RNASET2: variants seen among roughly 807,000 people sequenced by gnomAD.
RNASET2 encodes the protein ribonuclease 6.
A neutral mutation model predicts 33.9 loss-of-function variants in RNASET2; 28 were observed. The observed-to-expected ratio is 0.83, with a 90% CI of 0.61 to 1.13. The LOEUF (loss-of-function observed/expected upper bound fraction) is 1.13, where lower values mean the gene tolerates loss of function less well. Among genes scored for constraint, RNASET2 ranks in the 50% most tolerant of loss-of-function variants. The probability of loss-of-function intolerance (pLI) is 0.00; values close to 1 mark genes in which losing one functional copy is unlikely to be tolerated. For synonymous variants in RNASET2, 123 were observed against 121.0 expected, an observed-to-expected ratio of 1.02 and a Z score of -0.11; for missense variants, 330 against 319.9, an observed-to-expected ratio of 1.03 and a Z score of -0.24.
At position 166,929,546 on chromosome 6, in the gene RNASET2, T is replaced by G. The variant is rs1179174074; in HGVS notation, c.*42A>C. The G allele has an allele frequency of 1.3e-6, 2 of 1,598,520 alleles. No individual in the cohort carries two copies. The highest frequency in any genetic ancestry group is 2.7e-5 in the African/African-American group (2 of 74,562). On this transcript the variant is annotated 3_prime_UTR_variant, in exon 9 of 9. Coordinates refer to ENST00000508775, the MANE Select transcript of RNASET2 (RefSeq NM_003730.6). ...TTTTAGAAAGCTGCAGTTTGTGAAT[T>G]TCTCTTGCTTTTTAAAACAGAATAT...
rs577158475 is a variant in RNASET2, at chr6:166,927,552, G to C, written c.*2036C>G. On this transcript the variant is annotated 3_prime_UTR_variant, in exon 9 of 9. Coordinates refer to ENST00000508775, the MANE Select transcript of RNASET2 (RefSeq NM_003730.6). ...AATGGCTTCTTTAAAAACCGCAAAGGCCAGCCGACTGCAGACAGCCTCTGA... is the reference window on the plus strand; with the variant it reads ...AATGGCTTCTTTAAAAACCGCAAAGCCCAGCCGACTGCAGACAGCCTCTGA... Among the ~76,000 whole-genome samples the C allele has an allele frequency of 1.3e-5, 2 of 151,602 alleles. No homozygotes were observed. Among genetic ancestry groups the C allele is most frequent in the South Asian group, 2.1e-4 (1 of 4,802 alleles).
chr6:166,938,204 T>A (rs1223146754), intron 6 of RNASET2, among the ~76,000 whole-genome samples: 2 of 152,186 alleles, frequency 1.3e-5, no homozygotes, highest in Non-Finnish European at 2.9e-5. Context: ...TATTATGACC[T>A]CTTATGATGA....
intron 7 of RNASET2, 75 bp from the exon 8 acceptor site, chr6:166,931,193 G>T: frequency 9.5e-7 from 1 of 1,054,306 alleles, no homozygotes; most frequent in East Asian, 2.4e-5. Flanking sequence ...TATCCTGAGC[G>T]CAACAGTGGC....
At chr6:166,934,524 AAC>A (rs1184164348) in intron 6 of RNASET2, 6 of 256,708 alleles carry the variant, frequency 2.3e-5, no homozygotes, top group Middle Eastern at 1.5e-3. Flanking sequence ...CAAATCTTTA[AAC>A]ACAGTCATGC....
chr6:166,952,505 G>C lies in RNASET2; in HGVS notation c.130C>G (p.Pro44Ala). 1 of 1,613,926 alleles carries C rather than the reference G, an allele frequency of 6.2e-7. No homozygotes were observed. The highest frequency in any genetic ancestry group is 1.1e-5 in the South Asian group (1 of 91,082). Residue 44 changes from proline (P) to alanine (A), a missense_variant, in exon 2 of 9, where the codon CCT becomes GCT. Physicochemically the swap from Pro to Ala is conservative, Grantham distance 27. Transcript: ENST00000508775. ...ACACTCACCTCGCATACTGTCTCAG[G>C]CCAGTGCTGAACCATAATTAGTTTT... ...WKKLIMVQHW[P>A]ETVCEKIQND...
At chr6:166,951,118 C>T (rs1465439611) in intron 2 of RNASET2, among the ~76,000 whole-genome samples, 2 of 152,220 alleles carry the variant, frequency 1.3e-5, no homozygotes, top group African/African-American at 4.8e-5. Flanking sequence ...GATAAGGTCA[C>T]GTGAGTCACG....
Position 166,948,585 on chromosome 6 carries a change from G to C in RNASET2, c.188C>G (p.Thr63Arg), listed in dbSNP as rs993184078. Residue 63 changes from threonine (T) to arginine (R), a missense_variant, in exon 3 of 9, where the codon ACA becomes AGA. Coordinates refer to ENST00000508775, the MANE Select transcript of RNASET2 (RefSeq NM_003730.6). ...NDCRDPPDYW[T>R]IHGLWPDKSE... The stretch of plus-strand genomic sequence containing the variant: ...AGACACTTGCCATAGTCCATGTATT[G>C]TCCAGTAATCCGGAGGGTCTCTACA... The C allele has an allele frequency of 1.7e-5, 27 of 1,601,104 alleles. No homozygotes were observed. Among genetic ancestry groups the C allele is most frequent in the Non-Finnish European group, 2.3e-5 (27 of 1,168,646 alleles).
intron 8 of RNASET2, 135 bp downstream of exon 8, chr6:166,930,909 A>G (rs1778420883): frequency 2.7e-6 from 2 of 750,788 alleles, no homozygotes; most frequent in South Asian, 1.4e-5. Context: ...CACACACACC[A>G]CATGCCCACA....
At chr6:166,953,014 G>T in intron 1 of RNASET2, 1 of 206,474 alleles carries the variant, frequency 4.8e-6, no homozygotes, top group Non-Finnish European at 1.0e-5. Flanking sequence ...CTAGCATAAC[G>T]CTATTTATCG....
rs571565989 is a variant in RNASET2, at chr6:166,950,363, G to A, written c.148-1738C>T. ...CCAAGGCAAGGAAACAGCAGCAGGAGCGCAACATTAAGTCTGCAAAACTGA... is the reference window on the plus strand; with the variant it reads ...CCAAGGCAAGGAAACAGCAGCAGGAACGCAACATTAAGTCTGCAAAACTGA... On this transcript the variant is annotated intron_variant, in intron 2 of 8. Transcript: ENST00000508775. 2.6e-5 allele frequency among the ~76,000 whole-genome samples: 4 copies of A among 152,356 alleles called. No homozygotes were observed. In the East Asian group the frequency reaches 7.7e-4, roughly 29 times the overall value.
At position 166,933,996 on chromosome 6, in the gene RNASET2, G is replaced by T. The variant is rs1465052032; in HGVS notation, c.492+95C>A. ...TTAAGTAGGAAGGGGGTTTGCACTG[G>T]GGCAATTTACAGCCCATTGACTCAG... On this transcript the variant is annotated intron_variant, in intron 7 of 8. Coordinates refer to ENST00000508775, the MANE Select transcript of RNASET2 (RefSeq NM_003730.6). This position sits in a 1 kb window ranked among gnomAD's most constrained non-coding sequence, Gnocchi z 4.1. The T allele has an allele frequency of 5.8e-6, 5 of 866,582 alleles. No individual in the cohort carries two copies. The Admixed American group carries it at 6.8e-5, about 12-fold the overall frequency. 53.7% of individuals were successfully genotyped at this position (866,582 alleles called of 1,614,324 possible).
chr6:166,956,111 C>T lies in RNASET2; in HGVS notation c.72G>A (p.Ala24=), dbSNP rs751310178. 4 of 1,552,388 alleles carry T rather than the reference C, an allele frequency of 2.6e-6. No individual in the cohort carries two copies. Among genetic ancestry groups the T allele is most frequent in the East Asian group, 2.4e-5 (1 of 41,002 alleles). The change falls in exon 1 of 9, where the codon GCG becomes GCA. Residue 24 remains alanine, a synonymous_variant. Transcript: ENST00000508775. The part of the protein sequence containing the change: ...LCLALLCLGG[A]DKRLRDNHEW... ...AGGTAACTCACCGCAGGCGCTTGTCCGCACCGCCCAGGCAAAGCAACGCCA... is the reference window on the plus strand; with the variant it reads ...AGGTAACTCACCGCAGGCGCTTGTCTGCACCGCCCAGGCAAAGCAACGCCA...
Position 166,952,359 on chromosome 6 carries a change from C to G in RNASET2, c.147+129G>C. The G allele has an allele frequency of 2.4e-6, 2 of 826,176 alleles. 1 individual carries two copies. The highest frequency in any genetic ancestry group is 2.7e-5 in the South Asian group (2 of 73,412). 51.2% of individuals were successfully genotyped at this position (826,176 alleles called of 1,614,324 possible). On this transcript the variant is annotated intron_variant, in intron 2 of 8. Transcript: ENST00000508775. ...TGGAGGCAGTCTCTGCAGGAGACAC[C>G]GCCCACCCGCCAGAGCGATGCCTAC...
rs1778501309 is a variant in RNASET2, at chr6:166,933,761, C to T, written c.492+330G>A. On this transcript the variant is annotated intron_variant, in intron 7 of 8. Coordinates refer to ENST00000508775, the MANE Select transcript of RNASET2 (RefSeq NM_003730.6). The surrounding 1 kb of genome is among the most constrained non-coding windows in gnomAD (Gnocchi z 4.1). ...TCACAATTTTATCATGAAAACAAAC[C>T]ACAAACAAATATAAGACTACGTTAT... 1.5e-5 allele frequency: 5 copies of T among 331,036 alleles called. No homozygotes were observed. The highest frequency in any genetic ancestry group is 1.1e-4 in the South Asian group (2 of 18,384). The allele number at this position is 331,036 out of a possible 1,614,324, so 20.5% of individuals were successfully genotyped here. A position where few individuals can be genotyped will look rare whatever the true frequency, so the allele number is the denominator to read the frequency against.
intron 8 of RNASET2, among the ~76,000 whole-genome samples, chr6:166,930,340 G>A (rs989406350): frequency 2.6e-5 from 4 of 151,072 alleles, no homozygotes; most frequent in Admixed American, 6.6e-5. Flanking sequence ...AGATGTGCAG[G>A]CCTGTGCACA....
chr6:166,926,038 G>A lies in RNASET2; in HGVS notation c.*3550C>T, dbSNP rs1363785913. ...CGTCCAGCACTGACAGTCAGGTGGC[G>A]TGGCAGTCAATGCATGGCCCAGATG... On this transcript the variant is annotated 3_prime_UTR_variant, in exon 9 of 9. Transcript: ENST00000508775. 2.0e-5 allele frequency among the ~76,000 whole-genome samples: 3 copies of A among 152,226 alleles called. No individual in the cohort carries two copies. Among genetic ancestry groups the A allele is most frequent in the Admixed American group, 6.5e-5 (1 of 15,282 alleles).
At chr6:166,945,463 G>A (rs1487994717) in intron 4 of RNASET2, 5 of 154,496 alleles carry the variant, frequency 3.2e-5, no homozygotes, top group African/African-American at 7.2e-5. Flanking sequence ...TAAGTCTCAC[G>A]GCAGTCCCCA....
Position 166,927,713 on chromosome 6 carries a change from C to CAAAAAAAAAAAAAAAAAAAAAAAAA in RNASET2, c.*1874_*1875insTTTTTTTTTTTTTTTTTTTTTTTTT, listed in dbSNP as rs58837223. ...TGATCCCTGTGTTCGCAAAATGACT[C>CAAAAAAAAAAAAAAAAAAAAAAAAA]AAAAAAAAAAAAAAAAAAAAAAAGA... On this transcript the variant is annotated 3_prime_UTR_variant, in exon 9 of 9. Transcript: ENST00000508775. Among the ~76,000 whole-genome samples, 3 of 47,342 alleles carry CAAAAAAAAAAAAAAAAAAAAAAAAA rather than the reference C, an allele frequency of 6.3e-5. 1 individual carries two copies. Among genetic ancestry groups the CAAAAAAAAAAAAAAAAAAAAAAAAA allele is most frequent in the African/African-American group, 2.6e-4 (3 of 11,648 alleles). 31.1% of individuals were successfully genotyped at this position (47,342 alleles called of 152,430 possible).
chr6:166,930,614 G>GCA (rs1034564728), intron 8 of RNASET2, among the ~76,000 whole-genome samples: 2 of 122,092 alleles, frequency 1.6e-5, no homozygotes, highest in Non-Finnish European at 3.4e-5. Context: ...GCATGTACAT[G>GCA]CACACACAGC....
Sources: gnomAD v4.1 joint callset for allele counts (sites outside exome capture counted in the v4.1 genomes callset) on GRCh38, gnomAD v4.1.1 for gene constraint, Gnocchi (gnomAD v3.1) non-coding constraint, MANE v1.5 for transcripts, NCBI Gene and HGNC (gene_info 2026-07-23, HGNC 2026-07-21) for gene names.